ANKRD6: variants seen among roughly 807,000 people sequenced by gnomAD.
The protein encoded by ANKRD6 is ankyrin repeat domain-containing protein 6.
ANKRD6 carries 56 observed loss-of-function variants against 82.3 expected under a neutral mutation model. The ratio of observed to expected loss-of-function variants is 0.68; its 90% CI spans 0.55 to 0.85. ANKRD6 has a LOEUF of 0.85. Among genes scored for constraint, ANKRD6 ranks in the 40% least tolerant of loss-of-function variants. The pLI is 0.00. For missense variants in ANKRD6, 852 were observed against 907.6 expected (o/e 0.94, Z 0.79); for synonymous variants, 347 against 352.1 (o/e 0.99, Z 0.16).
In ANKRD6 at chr6:89,628,158, C is replaced by T. The variant is rs141475125; in HGVS notation, c.1485+462C>T. 643 of 167,926 alleles carry T rather than the reference C, an allele frequency of 3.8e-3. 4 individuals are homozygous for T. The highest frequency in any genetic ancestry group is 5.9e-3 in the Non-Finnish European group (455 of 76,608). 10.4% of individuals were successfully genotyped at this position (167,926 alleles called of 1,614,324 possible). On this transcript the variant is annotated intron_variant, in intron 14 of 15. Transcript: ENST00000339746. ...GGGTTGAGTTTAAGGTGGCTCTAGT[C>T]ACTTAATGAAGATTGTAGATAGCTC...
At chr6:89,583,829 T>C (rs1793124359) in intron 2 of ANKRD6, among the ~76,000 whole-genome samples, 1 of 152,232 alleles carries the variant, frequency 6.6e-6, no homozygotes, top group Non-Finnish European at 1.5e-5. Context: ...TCAGTGGCAG[T>C]GAAGGCAGGC....
chr6:89,476,932 T>C (rs1183289631), intron 1 of ANKRD6, among the ~76,000 whole-genome samples: 1 of 152,228 alleles, frequency 6.6e-6, no homozygotes, highest in Non-Finnish European at 1.5e-5. Flanking sequence ...TTTTAAAAAA[T>C]ATGAAAGGTT....
At chr6:89,552,932 A>G (rs1042292730) in intron 1 of ANKRD6, among the ~76,000 whole-genome samples, 1 of 152,162 alleles carries the variant, frequency 6.6e-6, no homozygotes, top group African/African-American at 2.4e-5. Flanking sequence ...AAGGGGACCT[A>G]GCGGAGTCTT....
intron 1 of ANKRD6, among the ~76,000 whole-genome samples, chr6:89,453,581 A>C (rs910413582): frequency 6.6e-6 from 1 of 151,674 alleles, no homozygotes; most frequent in Non-Finnish European, 1.5e-5. Flanking sequence ...AGTGCCTCCA[A>C]CAATTCCTTT....
Position 89,630,443 on chromosome 6 carries a change from A to G in ANKRD6, c.1623A>G (p.Gln541=), listed in dbSNP as rs895914528. 2.5e-6 allele frequency: 4 copies of G among 1,611,964 alleles called. No homozygotes were observed. The highest frequency in any genetic ancestry group is 3.4e-6 in the Non-Finnish European group (4 of 1,178,920). ...TCCTTCTGAAACCAGGTGTGGACCA[A>G]TTAGTGGTGACTGCAGGTCCAGCAG... The part of the protein sequence containing the change: ...STCESSTGVD[Q]LVVTAGPAAA... The change falls in exon 16 of 16, where the codon CAA becomes CAG. Residue 541 remains glutamine, a synonymous_variant. Transcript: ENST00000339746.
In ANKRD6 at chr6:89,570,063, ATGTG is replaced by A. The variant is rs10651458; in HGVS notation, c.120+2989_120+2992del. On this transcript the variant is annotated intron_variant, in intron 2 of 15. Coordinates refer to ENST00000339746, the MANE Select transcript of ANKRD6 (RefSeq NM_001242809.2). ...TACTCGTGTGTGTGTATGTGTGTATATGTGTGTGTGTGTGTGTGTGTGTGTATAA... is the reference window on the plus strand; with the variant it reads ...TACTCGTGTGTGTGTATGTGTGTATATGTGTGTGTGTGTGTGTGTGTATAA... Among the ~76,000 whole-genome samples the A allele has an allele frequency of 5.6e-4, 83 of 148,868 alleles. No individual in the cohort carries two copies. In the East Asian group the frequency reaches 0.01, roughly 18 times the overall value.
At chr6:89,621,029 A>G (rs1238936061) in intron 9 of ANKRD6, among the ~76,000 whole-genome samples, 2 of 152,170 alleles carry the variant, frequency 1.3e-5, no homozygotes, top group Non-Finnish European at 2.9e-5. Flanking sequence ...AGATCACGCC[A>G]CTGCACTTCA....
chr6:89,600,318 T>C (rs1583620421), intron 3 of ANKRD6, among the ~76,000 whole-genome samples: 1 of 152,136 alleles, frequency 6.6e-6, no homozygotes, highest in East Asian at 1.9e-4. Flanking sequence ...ACAAAAAATA[T>C]TTGACCTAAA....
At chr6:89,584,475 C>T (rs145563428) in intron 2 of ANKRD6, among the ~76,000 whole-genome samples, 9 of 152,196 alleles carry the variant, frequency 5.9e-5, no homozygotes, top group East Asian at 1.9e-4. Context: ...AGGAACTTGT[C>T]GGGACACTGA....
chr6:89,543,666 C>G (rs566745655), intron 1 of ANKRD6, among the ~76,000 whole-genome samples: 2 of 152,176 alleles, frequency 1.3e-5, no homozygotes, highest in African/African-American at 2.4e-5. Context: ...GTATTGCAGG[C>G]TCCTTCCTCA....
chr6:89,623,575 G>T, intron 11 of ANKRD6, 31 bp downstream of exon 11: 1 of 1,563,832 alleles, frequency 6.4e-7, no homozygotes, highest in Non-Finnish European at 8.7e-7. Flanking sequence ...GCCCAGAGGG[G>T]TGGCTGGGAG....
intron 1 of ANKRD6, among the ~76,000 whole-genome samples, chr6:89,462,885 T>C (rs1398345400): frequency 2.0e-5 from 3 of 149,758 alleles, no homozygotes; most frequent in Middle Eastern, 3.4e-3. Flanking sequence ...TTTTTTTTTC[T>C]AAGAGACAAG....
intron 3 of ANKRD6, among the ~76,000 whole-genome samples, chr6:89,600,382 T>G (rs1796854218): frequency 6.6e-6 from 1 of 152,204 alleles, no homozygotes; most frequent in Non-Finnish European, 1.5e-5. Flanking sequence ...CTTCGTGAAA[T>G]AATTTGTACA....
intron 1 of ANKRD6, among the ~76,000 whole-genome samples, chr6:89,514,676 C>G (rs1339900532): frequency 2.6e-5 from 4 of 152,024 alleles, no homozygotes; most frequent in African/African-American, 9.7e-5. Context: ...GTGAACATTC[C>G]CCATATGTCC....
intron 1 of ANKRD6, among the ~76,000 whole-genome samples, chr6:89,495,165 G>A (rs1475476688): frequency 2.0e-5 from 3 of 152,174 alleles, no homozygotes; most frequent in Admixed American, 6.5e-5. Flanking sequence ...CCCGGGAGGC[G>A]GAGCTTGCAG....
intron 1 of ANKRD6, among the ~76,000 whole-genome samples, chr6:89,512,932 CT>C (rs889559507): frequency 2.0e-5 from 3 of 151,294 alleles, no homozygotes; most frequent in African/African-American, 4.9e-5. Flanking sequence ...CTTTTTCTCT[CT>C]TTTTTTTAAG....
At chr6:89,551,837 T>A (rs1785893876) in intron 1 of ANKRD6, among the ~76,000 whole-genome samples, 1 of 152,248 alleles carries the variant, frequency 6.6e-6, no homozygotes. Context: ...GAGAGATGTT[T>A]ATTTTAAGAC....
chr6:89,563,902 C>T (rs796547159), intron 1 of ANKRD6, among the ~76,000 whole-genome samples: 9 of 152,182 alleles, frequency 5.9e-5, no homozygotes, highest in African/African-American at 2.2e-4. Context: ...CTCTGCTTGG[C>T]CTGCACCTGG....
At chr6:89,589,555 ATTC>A (rs536694078) in intron 2 of ANKRD6, among the ~76,000 whole-genome samples, 4 of 152,296 alleles carry the variant, frequency 2.6e-5, no homozygotes, top group South Asian at 2.1e-4. Context: ...CTTAACGGGA[ATTC>A]TTCTCCTGGA....
Sources: gnomAD v4.1 joint callset for allele counts (sites outside exome capture counted in the v4.1 genomes callset) on GRCh38, gnomAD v4.1.1 for gene constraint, MANE v1.5 for transcripts, NCBI Gene and HGNC (gene_info 2026-07-23, HGNC 2026-07-21) for gene names.